ARID4B: variants seen among roughly 807,000 people sequenced by gnomAD.
The protein encoded by ARID4B is AT-rich interaction domain 4B, also known as AT-rich interactive domain-containing protein 4B.
A neutral mutation model predicts 147.5 loss-of-function variants in ARID4B; 26 were observed. That is an observed-to-expected ratio of 0.18 (90% CI 0.13 to 0.24). The LOEUF is 0.24. Ranked by LOEUF, ARID4B falls within the 10% of genes least tolerant of loss-of-function variation. The pLI, the probability that ARID4B is intolerant of heterozygous loss-of-function variation, is 1.00. For synonymous variants in ARID4B, 512 were observed against 507.9 expected (o/e 1.01, Z -0.11); for missense variants, 1,179 against 1,511.5 (o/e 0.78, Z 3.65).
At chr1:235,322,451 T>C (rs1233608678) in intron 2 of ARID4B, among the ~76,000 whole-genome samples, 1 of 152,182 alleles carries the variant, frequency 6.6e-6, no homozygotes, top group Non-Finnish European at 1.5e-5. Flanking sequence ...TTCACCTTGT[T>C]TCGTTCATTT....
At chr1:235,322,041 T>C (rs916621785) in intron 2 of ARID4B, among the ~76,000 whole-genome samples, 4 of 151,998 alleles carry the variant, frequency 2.6e-5, no homozygotes, top group Admixed American at 6.6e-5. Context: ...AATTTTTTTT[T>C]TTTTGAGACA....
At chr1:235,249,804 G>T (rs1669529722) in intron 6 of ARID4B, among the ~76,000 whole-genome samples, 1 of 152,022 alleles carries the variant, frequency 6.6e-6, no homozygotes, top group Non-Finnish European at 1.5e-5. Flanking sequence ...GCTGGGCGTG[G>T]TGGCACACGA....
At chr1:235,222,619 A>G (rs12027832) in intron 13 of ARID4B, among the ~76,000 whole-genome samples, 69,446 of 151,320 alleles carry the variant, frequency 0.46, 16,292 homozygotes, top group South Asian at 0.6. Context: ...ATAAAAAAAG[A>G]AGGTTTATGA....
At chr1:235,284,275 G>A (rs1671839875) in intron 2 of ARID4B, among the ~76,000 whole-genome samples, 1 of 152,138 alleles carries the variant, frequency 6.6e-6, no homozygotes, top group African/African-American at 2.4e-5. Flanking sequence ...CAGAAGAATC[G>A]CTTGAACCTG....
intron 2 of ARID4B, among the ~76,000 whole-genome samples, chr1:235,291,672 CTAAAAAATA>C (rs928781969): frequency 2.2e-4 from 34 of 151,708 alleles, no homozygotes; most frequent in African/African-American, 7.0e-4. Flanking sequence ...CCCGTCTCTA[CTAAAAAATA>C]CAAAAAATAC....
chr1:235,287,423 C>T (rs113810942), intron 2 of ARID4B, among the ~76,000 whole-genome samples: 3 of 152,102 alleles, frequency 2.0e-5, no homozygotes, highest in East Asian at 3.8e-4. Flanking sequence ...AAAGGAAATT[C>T]CAGGTGAGGC....
intron 9 of ARID4B, among the ~76,000 whole-genome samples, chr1:235,233,527 T>G (rs1668372503): frequency 6.6e-6 from 1 of 152,214 alleles, no homozygotes; most frequent in Non-Finnish European, 1.5e-5. Context: ...CATGATGACC[T>G]TTTTAAGGTA....
chr1:235,320,546 T>C (rs140355770), intron 2 of ARID4B, among the ~76,000 whole-genome samples: 13 of 152,322 alleles, frequency 8.5e-5, no homozygotes, highest in Admixed American at 8.5e-4. Flanking sequence ...ATGTGTTCAC[T>C]ACCCAGCAGT....
At chr1:235,320,583 ATCACT>A (rs1305426761) in intron 2 of ARID4B, among the ~76,000 whole-genome samples, 1 of 152,166 alleles carries the variant, frequency 6.6e-6, no homozygotes, top group East Asian at 1.9e-4. Context: ...TGTTTATCAC[ATCACT>A]TCACTCAACA....
At chr1:235,200,153 T>C (rs1209373889) in intron 17 of ARID4B, among the ~76,000 whole-genome samples, 1 of 151,884 alleles carries the variant, frequency 6.6e-6, no homozygotes, top group Non-Finnish European at 1.5e-5. Flanking sequence ...ACTCCGTCTC[T>C]AACAAAAAGA....
intron 2 of ARID4B, among the ~76,000 whole-genome samples, chr1:235,295,549 C>T (rs936061902): frequency 2.6e-4 from 39 of 151,056 alleles, no homozygotes; most frequent in Non-Finnish European, 4.0e-4. Context: ...CGGAGGCTCA[C>T]GCCTGTAATC....
chr1:235,210,498 G>A (rs915648650), intron 17 of ARID4B, among the ~76,000 whole-genome samples: 1 of 152,024 alleles, frequency 6.6e-6, no homozygotes, highest in African/African-American at 2.4e-5. Context: ...CTTCAGAACT[G>A]GAGGAGCCGC....
chr1:235,262,072 C>A (rs1479235690), intron 2 of ARID4B, among the ~76,000 whole-genome samples: 1 of 152,120 alleles, frequency 6.6e-6, no homozygotes, highest in African/African-American at 2.4e-5. Context: ...AGAACCCTTT[C>A]TTTTCTATTG....
intron 13 of ARID4B, among the ~76,000 whole-genome samples, chr1:235,221,884 C>CTTTTTTT (rs1370136402): frequency 1.3e-5 from 1 of 78,552 alleles, no homozygotes; most frequent in South Asian, 3.9e-4. Context: ...AGTCATTTGA[C>CTTTTTTT]TATTTTTTTT....
intron 2 of ARID4B, among the ~76,000 whole-genome samples, chr1:235,277,471 G>A (rs1178573410): frequency 2.0e-5 from 3 of 151,190 alleles, no homozygotes; most frequent in South Asian, 2.1e-4. Flanking sequence ...CCCGGGAGGC[G>A]GAGCTTGCAG....
chr1:235,230,594 T>TAAAAAAAAAAAAAAAAAAAAAA (rs1175996354), intron 10 of ARID4B, among the ~76,000 whole-genome samples: 1 of 58,402 alleles, frequency 1.7e-5, no homozygotes, highest in African/African-American at 6.7e-5. Context: ...GACTATAAGC[T>TAAAAAAAAAAAAAAAAAAAAAA]AAAAAAAAAA....
chr1:235,306,804 C>A (rs1673601736), intron 2 of ARID4B, among the ~76,000 whole-genome samples: 1 of 151,984 alleles, frequency 6.6e-6, no homozygotes, highest in South Asian at 2.1e-4. Flanking sequence ...TTCAGGTGTG[C>A]ACCACCACAC....
Position 235,181,389 on chromosome 1 carries a change from A to G in ARID4B, c.3334+196T>C, listed in dbSNP as rs1486687123. On this transcript the variant is annotated intron_variant, in intron 20 of 23. Transcript: ENST00000264183. ...ATGCCATGGATGGCTCAAGCAAAGC[A>G]CATTAAAGCCTTCTCAAGCTTTTAA... is the stretch of plus-strand genomic sequence containing the variant. The G allele has an allele frequency of 6.3e-6, 5 of 792,234 alleles. No individual in the cohort carries two copies. The East Asian group carries it at 1.4e-4, about 23-fold the overall frequency. 49.1% of individuals were successfully genotyped at this position (792,234 alleles called of 1,614,324 possible). A position where few individuals can be genotyped will look rare whatever the true frequency, so the allele number is the denominator to read the frequency against.
chr1:235,277,241 C>A (rs7531130), intron 2 of ARID4B, among the ~76,000 whole-genome samples: 4 of 151,678 alleles, frequency 2.6e-5, no homozygotes, highest in Non-Finnish European at 4.4e-5. Context: ...GAGAGACTCT[C>A]TCTCTAAAAT....
Sources: gnomAD v4.1 joint callset for allele counts (sites outside exome capture counted in the v4.1 genomes callset) on GRCh38, gnomAD v4.1.1 for gene constraint, MANE v1.5 for transcripts, NCBI Gene and HGNC (gene_info 2026-07-23, HGNC 2026-07-21) for gene names.